The following PPA1 variants were observed in gnomAD, a reference collection of about 807,000 sequenced individuals.
PPA1 encodes inorganic pyrophosphatase.
Under a neutral mutation model 41.8 loss-of-function variants are expected in PPA1, and 23 were observed. That is an observed-to-expected ratio of 0.55 (90% CI 0.40 to 0.78). PPA1 has a LOEUF of 0.78. Among genes scored for constraint, PPA1 ranks in the 30% least tolerant of loss-of-function variants. The pLI is 0.00. For missense variants in PPA1, 320 were observed against 361.6 expected (o/e 0.89, Z 0.93); for synonymous variants, 101 against 116.8 (o/e 0.86, Z 0.87).
intron 2 of PPA1, among the ~76,000 whole-genome samples, chr10:70,227,948 C>A (rs569289769): frequency 6.6e-6 from 1 of 152,214 alleles, no homozygotes; most frequent in South Asian, 2.1e-4. Flanking sequence ...TCAAGTTAAT[C>A]AGATTTTTTT....
In PPA1 at chr10:70,214,551, A is replaced by G; in HGVS notation, c.333T>C (p.Thr111=). ...WEDPGHNDKH[T]GCCGDNDPID... ...TTGGGTCATTGTCACCACAACAGCC[A>G]GTATGTTTATCATTGTGCCCTGGGT... Residue 111 remains threonine (T), a synonymous_variant, in exon 5 of 11, where the codon ACT becomes ACC. Coordinates refer to ENST00000373232, the MANE Select transcript of PPA1 (RefSeq NM_021129.4). 1 of 1,613,882 alleles carries G rather than the reference A, an allele frequency of 6.2e-7. No homozygotes were observed. The highest frequency in any genetic ancestry group is 1.3e-5 in the African/African-American group (1 of 75,054).
chr10:70,209,307 T>C lies in PPA1; in HGVS notation c.640-17A>G. The C allele has an allele frequency of 4.6e-6, 7 of 1,522,252 alleles. No homozygotes were observed. The highest frequency in any genetic ancestry group is 6.3e-6 in the Non-Finnish European group (7 of 1,102,894). 94.3% of individuals were successfully genotyped at this position (1,522,252 alleles called of 1,614,324 possible). On this transcript the variant is annotated splice_polypyrimidine_tract_variant and intron_variant, in intron 7 of 10. Transcript: ENST00000373232. The stretch of plus-strand genomic sequence containing the variant: ...GGCAAAGTCCTATAATTTGAAGAGG[T>C]TTGCATTACAATGATAAAAAGGTAT...
chr10:70,215,925 A>C (rs1222581710), intron 4 of PPA1, among the ~76,000 whole-genome samples: 1 of 152,218 alleles, frequency 6.6e-6, no homozygotes, highest in Non-Finnish European at 1.5e-5. Context: ...AACATCTCAC[A>C]AAAGAACTGA....
intron 2 of PPA1, among the ~76,000 whole-genome samples, chr10:70,221,346 T>G (rs1840166821): frequency 6.6e-6 from 1 of 151,500 alleles, no homozygotes; most frequent in African/African-American, 2.4e-5. Flanking sequence ...CATTTTAAGT[T>G]CCTGCTGAAA....
rs1429582492 is a variant in PPA1, at chr10:70,221,072, ATATATTTT to A, written c.124-2263_124-2256del. Among the ~76,000 whole-genome samples, 42 of 16,466 alleles carry A rather than the reference ATATATTTT, an allele frequency of 2.6e-3. 1 individual carries two copies. Among genetic ancestry groups the A allele is most frequent in the Admixed American group, 0.01 (7 of 674 alleles). 10.8% of individuals were successfully genotyped at this position (16,466 alleles called of 152,430 possible). On this transcript the variant is annotated intron_variant, in intron 2 of 10. Coordinates refer to ENST00000373232, the MANE Select transcript of PPA1 (RefSeq NM_021129.4). ...ATATATATAATTTATATATATATAT[ATATATTTT>A]TTTTTTTTTTTTTTTGTAGAGATGG... is the stretch of plus-strand genomic sequence containing the variant.
At chr10:70,209,730 T>C in intron 6 of PPA1, 45 bp from the exon 7 acceptor site, 1 of 1,528,872 alleles carries the variant, frequency 6.5e-7, no homozygotes, top group Non-Finnish European at 8.9e-7. Flanking sequence ...ATGATTTTTT[T>C]AAAAAGAAAG....
At chr10:70,231,297 T>G (rs1485140341) in intron 1 of PPA1, among the ~76,000 whole-genome samples, 1 of 152,250 alleles carries the variant, frequency 6.6e-6, no homozygotes, top group African/African-American at 2.4e-5. Flanking sequence ...CCAGGCACGG[T>G]GGCTCACGCC....
intron 2 of PPA1, among the ~76,000 whole-genome samples, chr10:70,229,291 T>C (rs978553730): frequency 1.3e-5 from 2 of 152,154 alleles, no homozygotes; most frequent in Non-Finnish European, 2.9e-5. Flanking sequence ...TTTTGATATA[T>C]ATTTTATTGT....
rs747929149 is a variant in PPA1 at position 70,214,575 on chromosome 10, G to A, written c.309C>T (p.Asp103=). The change falls in exon 5 of 11, where the codon GAC becomes GAT. Residue 103 remains aspartate (D), a synonymous_variant. Coordinates refer to ENST00000373232, the MANE Select transcript of PPA1 (RefSeq NM_021129.4). ...NYGAIPQTWE[D]PGHNDKHTGC... is the part of the protein sequence containing the mutation. ...CAGTATGTTTATCATTGTGCCCTGG[G>A]TCTTCCCAAGTCTAAAAATATAAGA... The A allele has an allele frequency of 6.2e-7, 1 of 1,612,042 alleles. No individual in the cohort carries two copies. The highest frequency in any genetic ancestry group is 1.7e-5 in the Admixed American group (1 of 59,974).
intron 2 of PPA1, among the ~76,000 whole-genome samples, chr10:70,222,335 C>CAAAA (rs67974203): frequency 1.1e-3 from 77 of 73,138 alleles, no homozygotes; most frequent in East Asian, 2.7e-3. Flanking sequence ...GACTCCGTCT[C>CAAAA]AAAAAAAAAA....
chr10:70,218,082 G>A (rs1358487967), intron 3 of PPA1, 151 bp from the exon 4 acceptor site: 5 of 698,764 alleles, frequency 7.2e-6, no homozygotes, highest in Middle Eastern at 3.1e-4. Flanking sequence ...GAACTAAGGT[G>A]TTTCCATAAT....
At chr10:70,215,244 T>C (rs1048868288) in intron 4 of PPA1, among the ~76,000 whole-genome samples, 2 of 151,764 alleles carry the variant, frequency 1.3e-5, no homozygotes, top group African/African-American at 2.4e-5. Flanking sequence ...CAAACAAAAA[T>C]GTGTGGTTTT....
chr10:70,220,787 T>A (rs1245731549), intron 2 of PPA1, among the ~76,000 whole-genome samples: 1 of 8,836 alleles, frequency 1.1e-4, no homozygotes, highest in African/African-American at 4.9e-4. Context: ...TATATATAAT[T>A]TATATATATA....
intron 2 of PPA1, among the ~76,000 whole-genome samples, chr10:70,225,759 A>G (rs971408604): frequency 6.6e-6 from 1 of 152,110 alleles, no homozygotes; most frequent in Admixed American, 6.6e-5. Flanking sequence ...ATGCTTTCGA[A>G]AAGGTATACC....
At chr10:70,219,748 T>G (rs1170192356) in intron 2 of PPA1, among the ~76,000 whole-genome samples, 1 of 152,224 alleles carries the variant, frequency 6.6e-6, no homozygotes, top group African/African-American at 2.4e-5. Context: ...AATTCCCAGA[T>G]GTGCAGTTTA....
At chr10:70,217,953 T>A in intron 3 of PPA1, 22 bp from the exon 4 acceptor site, 4 of 1,516,386 alleles carry the variant, frequency 2.6e-6, no homozygotes, top group African/African-American at 1.4e-5. Flanking sequence ...AAATTTCAAA[T>A]CTTTGCATAT....
intron 10 of PPA1, 102 bp downstream of exon 10, chr10:70,204,771 T>C: frequency 1.0e-6 from 1 of 958,348 alleles, no homozygotes; most frequent in Non-Finnish European, 1.6e-6. Flanking sequence ...ACTGTACCCA[T>C]AAATATATTT....
At chr10:70,217,499 ACT>A (rs1334123576) in intron 4 of PPA1, among the ~76,000 whole-genome samples, 1 of 152,024 alleles carries the variant, frequency 6.6e-6, no homozygotes, top group Non-Finnish European at 1.5e-5. Context: ...ACTACCATAC[ACT>A]CTTTCTTGAC....
intron 2 of PPA1, among the ~76,000 whole-genome samples, chr10:70,229,819 T>C (rs1840269053): frequency 6.6e-6 from 1 of 152,096 alleles, no homozygotes; most frequent in Non-Finnish European, 1.5e-5. Context: ...ACAGATTAAA[T>C]ACTTTTGCTT....
Sources: allele counts gnomAD v4.1 joint callset (sites outside exome capture counted in the v4.1 genomes callset), GRCh38; gene constraint gnomAD v4.1.1; transcripts MANE v1.5; gene names NCBI Gene and HGNC (gene_info 2026-07-23, HGNC 2026-07-21).